PDE4D: variants seen among roughly 807,000 people sequenced by gnomAD.
PDE4D encodes the protein 3',5'-cyclic-AMP phosphodiesterase 4D.
Under a neutral mutation model 87.4 loss-of-function variants are expected in PDE4D, and 24 were observed. The observed-to-expected ratio is 0.27, with a 90% CI of 0.20 to 0.39. The LOEUF is 0.39. Ranked by LOEUF, PDE4D falls within the 10% of genes least tolerant of loss-of-function variation. PDE4D has a pLI of 1.00. For missense variants in PDE4D, 714 were observed against 1,041.0 expected, an observed-to-expected ratio of 0.69 and a Z score of 4.32; for synonymous variants, 384 against 383.2, an observed-to-expected ratio of 1.00 and a Z score of -0.02.
intron 2 of PDE4D, among the ~76,000 whole-genome samples, chr5:60,110,769 C>G (rs1259604434): frequency 2.0e-5 from 3 of 151,796 alleles, no homozygotes; most frequent in African/African-American, 7.3e-5. Flanking sequence ...TACCAACAGA[C>G]AAATAGATAA....
intron 1 of PDE4D, among the ~76,000 whole-genome samples, chr5:59,324,788 C>T (rs1379857927): frequency 1.3e-5 from 2 of 152,140 alleles, no homozygotes; most frequent in Non-Finnish European, 2.9e-5. Flanking sequence ...TAAGTTACAA[C>T]TTTCTGGCAG....
intron 5 of PDE4D, among the ~76,000 whole-genome samples, chr5:59,075,161 AG>A (rs1432866654): frequency 6.6e-6 from 1 of 151,378 alleles, no homozygotes; most frequent in Non-Finnish European, 1.5e-5. Context: ...ATGGGATGGT[AG>A]GAATGCCATG....
At chr5:59,597,527 A>AAG (rs746518336) in intron 1 of PDE4D, among the ~76,000 whole-genome samples, 31 of 150,936 alleles carry the variant, frequency 2.1e-4, no homozygotes, top group Non-Finnish European at 3.6e-4. Flanking sequence ...GAGAGAGAGA[A>AAG]AGAGAGAGAG....
chr5:59,060,654 C>T (rs1762995187), intron 5 of PDE4D, among the ~76,000 whole-genome samples: 2 of 152,080 alleles, frequency 1.3e-5, no homozygotes, highest in South Asian at 2.1e-4. Context: ...AGTACCCCTA[C>T]AGCTTAGTCT....
chr5:59,257,851 C>T (rs186880092), intron 1 of PDE4D, among the ~76,000 whole-genome samples: 3 of 151,878 alleles, frequency 2.0e-5, no homozygotes, highest in East Asian at 1.9e-4. Flanking sequence ...TTCCTTTTTT[C>T]CTAGGTGAAG....
chr5:60,241,269 C>CT, intron 1 of PDE4D, among the ~76,000 whole-genome samples: 1 of 126,688 alleles, frequency 7.9e-6, no homozygotes, highest in South Asian at 2.6e-4. Flanking sequence ...CTCTCTCTCT[C>CT]TCTTTTTTTT....
At chr5:60,197,924 A>C (rs528873853) in intron 1 of PDE4D, among the ~76,000 whole-genome samples, 5 of 151,648 alleles carry the variant, frequency 3.3e-5, no homozygotes, top group African/African-American at 1.2e-4. Flanking sequence ...CCACAAATTG[A>C]AAACTGTACA....
intron 2 of PDE4D, among the ~76,000 whole-genome samples, chr5:60,161,501 A>C (rs1782472723): frequency 6.6e-6 from 1 of 152,116 alleles, no homozygotes; most frequent in Admixed American, 6.5e-5. Context: ...ACAACATTTC[A>C]CTTGAAAACG....
chr5:60,441,432 T>C (rs1267317809), intron 1 of PDE4D, among the ~76,000 whole-genome samples: 2 of 151,620 alleles, frequency 1.3e-5, no homozygotes, highest in African/African-American at 2.4e-5. Flanking sequence ...TATCAAAAAT[T>C]AATTCAAAAT....
intron 1 of PDE4D, chr5:59,768,135 CG>C: frequency 7.6e-7 from 1 of 1,313,382 alleles, no homozygotes; most frequent in Non-Finnish European, 1.0e-6. Context: ...CATAAATCCC[CG>C]GTGAGGAATG....
At chr5:59,222,941 T>C (rs1752873362) in intron 1 of PDE4D, among the ~76,000 whole-genome samples, 1 of 152,210 alleles carries the variant, frequency 6.6e-6, no homozygotes, top group African/African-American at 2.4e-5. Flanking sequence ...TTGTTTTTCA[T>C]TTTTATTACT....
chr5:59,586,601 C>A, intron 1 of PDE4D: 1 of 1,330,444 alleles, frequency 7.5e-7, no homozygotes, highest in Non-Finnish European at 9.6e-7. Flanking sequence ...CAGAGCACTG[C>A]AGGTATGGGT....
At chr5:59,058,615 T>A (rs1168385565) in intron 5 of PDE4D, among the ~76,000 whole-genome samples, 4 of 152,110 alleles carry the variant, frequency 2.6e-5, no homozygotes, top group Non-Finnish European at 5.9e-5. Context: ...TCACTGTACA[T>A]CGTTTAGTCC....
intron 1 of PDE4D, among the ~76,000 whole-genome samples, chr5:59,325,425 T>A (rs371818160): frequency 6.0e-4 from 92 of 152,318 alleles, no homozygotes; most frequent in African/African-American, 2.2e-3. Context: ...ATCTTCTTGC[T>A]ACCTACGTTT....
intron 1 of PDE4D, among the ~76,000 whole-genome samples, chr5:60,308,038 T>TCAAAA (rs1019464370): frequency 4.7e-4 from 71 of 152,108 alleles, no homozygotes; most frequent in South Asian, 1.0e-3. Flanking sequence ...CAAAACTCCA[T>TCAAAA]CAAAACAAAA....
intron 1 of PDE4D, among the ~76,000 whole-genome samples, chr5:60,306,795 G>T (rs16877871): frequency 2.6e-5 from 4 of 151,886 alleles, no homozygotes; most frequent in Non-Finnish European, 2.9e-5. Flanking sequence ...GAAAGAAATC[G>T]AAACCGGAAC....
chr5:59,100,757 A>G (rs998955765), intron 5 of PDE4D, among the ~76,000 whole-genome samples: 3 of 152,236 alleles, frequency 2.0e-5, no homozygotes, highest in Admixed American at 6.5e-5. Flanking sequence ...CACAGAAGCT[A>G]GCACAGTACT....
At chr5:59,908,131 C>T (rs1490659854) in intron 3 of PDE4D, among the ~76,000 whole-genome samples, 2 of 152,108 alleles carry the variant, frequency 1.3e-5, no homozygotes, top group African/African-American at 4.8e-5. Context: ...AAATTAAAGA[C>T]TTGGTAATTT....
chr5:60,067,583 TTTC>T (rs1772242984), intron 2 of PDE4D, among the ~76,000 whole-genome samples: 1 of 152,168 alleles, frequency 6.6e-6, no homozygotes, highest in Non-Finnish European at 1.5e-5. Flanking sequence ...ACAAAACTAC[TTTC>T]TTAACAAATG....
Sources: allele counts gnomAD v4.1 joint callset (sites outside exome capture counted in the v4.1 genomes callset), GRCh38; gene constraint gnomAD v4.1.1; transcripts MANE v1.5; gene names NCBI Gene and HGNC (gene_info 2026-07-23, HGNC 2026-07-21).